KIR3DL3: variants seen among roughly 807,000 people sequenced by gnomAD.
KIR3DL3 encodes killer cell immunoglobulin-like receptor 3DL3.
In KIR3DL3, 27 loss-of-function variants were observed where a neutral mutation model predicts 34.9. That is an observed-to-expected ratio of 0.77 (90% CI 0.57 to 1.07). KIR3DL3 has a LOEUF of 1.07. Ranked by LOEUF, KIR3DL3 falls within the 50% of genes least tolerant of loss-of-function variation. The probability of loss-of-function intolerance (pLI) is 0.00; values close to 1 mark genes in which losing one functional copy is unlikely to be tolerated. For missense variants in KIR3DL3, 681 were observed against 528.5 expected (o/e 1.29, Z -2.83); for synonymous variants, 217 against 200.2 (o/e 1.08, Z -0.71).
chr19:54,726,848 A>C (rs1375524367), intron 3 of KIR3DL3, among the ~76,000 whole-genome samples: 1 of 128,348 alleles, frequency 7.8e-6, no homozygotes, highest in African/African-American at 2.8e-5. Context: ...ACAGCCCTGC[A>C]GATGCCTTGA....
Position 54,729,735 on chromosome 19 carries a change from C to T in KIR3DL3, c.898C>T (p.Leu300=), listed in dbSNP as rs1381639411. The T allele has an allele frequency of 1.3e-6, 2 of 1,588,342 alleles. No homozygotes were observed. Among genetic ancestry groups the T allele is most frequent in the Non-Finnish European group, 8.5e-7 (1 of 1,171,144 alleles). ...NYRCFGSFRA[L]PHAWSDPSDP... ...CAGATGCTTCGGCTCTTTCCGTGCC[C>T]TGCCCCATGCGTGGTCAGACCCGAG... is the stretch of plus-strand genomic sequence containing the variant. Residue 300 remains leucine (L), a synonymous_variant, in exon 5 of 8, where the codon CTG becomes TTG. Coordinates refer to ENST00000291860, the MANE Select transcript of KIR3DL3 (RefSeq NM_153443.5).
chr19:54,733,233 G>GTA (rs1293833577), intron 5 of KIR3DL3, among the ~76,000 whole-genome samples: 16 of 152,172 alleles, frequency 1.1e-4, no homozygotes, highest in African/African-American at 3.9e-4. Flanking sequence ...AAGGGACCTA[G>GTA]TATAATATAA....
In KIR3DL3 at chr19:54,725,126, G is replaced by A. The variant is rs1191461833; in HGVS notation, c.35-121G>A. 7.6e-3 allele frequency: 957 copies of A among 126,142 alleles called. 84 individuals carry two copies. Among genetic ancestry groups the A allele is most frequent in the African/African-American group, 0.021 (197 of 9,392 alleles). The allele number at this position is 126,142 out of a possible 1,614,324, so 7.8% of individuals were successfully genotyped here. A position where few individuals can be genotyped will look rare whatever the true frequency, so the allele number is the denominator to read the frequency against. On this transcript the variant is annotated intron_variant, in intron 1 of 7. Transcript: ENST00000291860. ...GCCTGGAGTAGAGATATAGGACGGA[G>A]GTGGAGATATAGGCCTGGAGTGGAG...
At chr19:54,726,407 C>A in intron 3 of KIR3DL3, 70 bp downstream of exon 3, 15 of 1,545,058 alleles carry the variant, frequency 9.7e-6, no homozygotes, top group Non-Finnish European at 1.1e-5. Context: ...GTGGGGGCGT[C>A]CATCAGGGTC....
At chr19:54,729,019 T>C in intron 4 of KIR3DL3, among the ~76,000 whole-genome samples, 1 of 147,078 alleles carries the variant, frequency 6.8e-6, no homozygotes, top group East Asian at 2.0e-4. Context: ...AAACACATGA[T>C]GATAGATGGA....
At position 54,727,871 on chromosome 19, in the gene KIR3DL3, T is replaced by C; in HGVS notation, c.616T>C (p.Leu206=). Residue 206 remains leucine (L), a synonymous_variant, in exon 4 of 8, where the codon TTG becomes CTG. Transcript: ENST00000291860. ...FGSVTHLPYE[L]SAPSDPLDIV... is the part of the protein sequence containing the mutation. ...TTCTGTCACTCACTTACCCTATGAG[T>C]TGTCGGCTCCCAGTGACCCTCTGGA... is the stretch of plus-strand genomic sequence containing the variant. 2 of 1,613,410 alleles carry C rather than the reference T, an allele frequency of 1.2e-6. No homozygotes were observed. Among genetic ancestry groups the C allele is most frequent in the South Asian group, 2.2e-5 (2 of 91,050 alleles).
chr19:54,735,378 G>A (rs776501658), intron 6 of KIR3DL3, 21 bp downstream of exon 6: 27 of 1,154,412 alleles, frequency 2.3e-5, no homozygotes, highest in Non-Finnish European at 3.4e-5. Flanking sequence ...CGAAGCAGAA[G>A]CCAGAGAGCT....
At chr19:54,731,480 G>C (rs1475738460) in intron 5 of KIR3DL3, among the ~76,000 whole-genome samples, 1 of 151,188 alleles carries the variant, frequency 6.6e-6, no homozygotes, top group African/African-American at 2.4e-5. Flanking sequence ...TCACTCACTC[G>C]TTCAGCCAAT....
At chr19:54,733,972 G>T (rs962177026) in intron 5 of KIR3DL3, among the ~76,000 whole-genome samples, 1 of 152,012 alleles carries the variant, frequency 6.6e-6, no homozygotes, top group African/African-American at 2.4e-5. Flanking sequence ...AACAATAAAC[G>T]ACGGAGAGGG....
At position 54,725,261 on chromosome 19, in the gene KIR3DL3, G is replaced by A. The variant is rs1302944581; in HGVS notation, c.49G>A (p.Glu17Lys). 1.3e-6 allele frequency: 2 copies of A among 1,591,328 alleles called. No homozygotes were observed. The highest frequency in any genetic ancestry group is 1.3e-5 in the African/African-American group (1 of 74,096). Residue 17 changes from glutamate (E) to lysine (K), a missense_variant, in exon 2 of 8, where the codon GAG becomes AAG. By Grantham distance (56) the Glu-to-Lys change is moderately conservative. Transcript: ENST00000291860. ...SMACVGFFLLEGPWPHVGGQD... is the reference protein window; with the variant it reads ...SMACVGFFLLKGPWPHVGGQD... ...TTTCTTTCCAGGGTTCTTCTTGCTG[G>A]AGGGGCCCTGGCCACATGTGGGTGA... is the stretch of plus-strand genomic sequence containing the variant.
In KIR3DL3 at chr19:54,730,388, T is replaced by A. The variant is rs1218962197; in HGVS notation, c.949+602T>A. ...GGCCAACATGGGGAAAATCCATCTG[T>A]ACTAAAAATACAAAATAATAATTAT... On this transcript the variant is annotated intron_variant, in intron 5 of 7. Coordinates refer to ENST00000291860, the MANE Select transcript of KIR3DL3 (RefSeq NM_153443.5). Among the ~76,000 whole-genome samples, 13 of 149,702 alleles carry A rather than the reference T, an allele frequency of 8.7e-5. No homozygotes were observed. In the East Asian group the frequency reaches 2.6e-3, roughly 30 times the overall value.
intron 2 of KIR3DL3, among the ~76,000 whole-genome samples, chr19:54,725,523 C>A (rs1352275313): frequency 6.6e-6 from 1 of 152,060 alleles, no homozygotes; most frequent in Non-Finnish European, 1.5e-5. Context: ...CTGAAGTGCT[C>A]AAAGGAGTGG....
rs564636994 is a variant in KIR3DL3, at chr19:54,727,689, G to C, written c.434G>C (p.Trp145Ser). ...KSGETVILQC[W>S]SDVRFERFLL... ...GGAGAGACGGTCATCCTGCAATGTT[G>C]GTCAGATGTCAGGTTTGAGCGCTTC... Residue 145 changes from tryptophan to serine, a missense_variant, in exon 4 of 8, where the codon TGG becomes TCG. By Grantham distance (177) the Trp-to-Ser change is radical (BLOSUM62 -3). Transcript: ENST00000291860. 1 of 1,612,588 alleles carries C rather than the reference G, an allele frequency of 6.2e-7. No individual in the cohort carries two copies. Among genetic ancestry groups the C allele is most frequent in the Non-Finnish European group, 8.5e-7 (1 of 1,179,634 alleles).
In KIR3DL3 at chr19:54,729,492, G is replaced by A. The variant is rs2068566680; in HGVS notation, c.656-1G>A. The stretch of plus-strand genomic sequence containing the variant: ...GAGGAAACCACCTCTTCTTCTTCCA[G>A]GTCTATATGGGAAACCTTCTCTCTC... On this transcript the variant is annotated splice_acceptor_variant, in intron 4 of 7. Transcript: ENST00000291860. LOFTEE classifies it high-confidence loss of function. 6.3e-7 allele frequency: 1 copy of A among 1,596,554 alleles called. No homozygotes were observed. The highest frequency in any genetic ancestry group is 8.5e-7 in the Non-Finnish European group (1 of 1,175,420).
At chr19:54,733,863 C>T (rs996816245) in intron 5 of KIR3DL3, among the ~76,000 whole-genome samples, 43 of 152,182 alleles carry the variant, frequency 2.8e-4, no homozygotes, top group Admixed American at 1.9e-3. Context: ...AACACTAATA[C>T]TCTTTGGAGT....
At chr19:54,734,359 C>T (rs1283395341) in intron 5 of KIR3DL3, among the ~76,000 whole-genome samples, 1 of 151,076 alleles carries the variant, frequency 6.6e-6, no homozygotes, top group South Asian at 2.1e-4. Flanking sequence ...AGGTTCATTA[C>T]TAACAGATAA....
chr19:54,732,914 C>A (rs112894172), intron 5 of KIR3DL3, among the ~76,000 whole-genome samples: 3,385 of 151,924 alleles, frequency 0.022, 130 homozygotes, highest in African/African-American at 0.078. Flanking sequence ...GAATCCCTAC[C>A]TGATTAACAG....
At chr19:54,732,333 C>G (rs1393200300) in intron 5 of KIR3DL3, among the ~76,000 whole-genome samples, 1 of 151,730 alleles carries the variant, frequency 6.6e-6, no homozygotes, top group Non-Finnish European at 1.5e-5. Flanking sequence ...TCATTGCAAC[C>G]TCTGCCTCCT....
At position 54,724,550 on chromosome 19, in the gene KIR3DL3, C is replaced by T. The variant is rs993752708; in HGVS notation, c.34+20C>T. On this transcript the variant is annotated intron_variant, in intron 1 of 7. Coordinates refer to ENST00000291860, the MANE Select transcript of KIR3DL3 (RefSeq NM_153443.5). ...GTGTTGGTGAGTCCTGGAAGGGAAT[C>T]GAGGGAGGGAGCGCTGGGGTGGAGA... 197 of 1,597,920 alleles carry T rather than the reference C, an allele frequency of 1.2e-4. No homozygotes were observed. In the African/African-American group the frequency reaches 2.3e-3, roughly 19 times the overall value.
Sources: gnomAD v4.1 joint callset for allele counts (sites outside exome capture counted in the v4.1 genomes callset) on GRCh38, gnomAD v4.1.1 for gene constraint, MANE v1.5 for transcripts, NCBI Gene and HGNC (gene_info 2026-07-23, HGNC 2026-07-21) for gene names.